MAST2: variants seen among roughly 807,000 people sequenced by gnomAD.
MAST2 encodes the protein microtubule associated serine/threonine kinase 2.
In MAST2, 70 loss-of-function variants were observed where a neutral mutation model predicts 147.4. The ratio of observed to expected loss-of-function variants is 0.47; its 90% CI spans 0.39 to 0.58. MAST2 has a LOEUF of 0.58. Among genes scored for constraint, MAST2 ranks in the 20% least tolerant of loss-of-function variants. The pLI, the probability that MAST2 is intolerant of heterozygous loss-of-function variation, is 0.00. For missense variants in MAST2, 2,080 were observed against 2,302.3 expected (o/e 0.90, Z 1.98); for synonymous variants, 869 against 896.8 (o/e 0.97, Z 0.55).
intron 5 of MAST2, among the ~76,000 whole-genome samples, chr1:45,991,911 T>A (rs1232367367): frequency 1.3e-5 from 2 of 152,204 alleles, no homozygotes; most frequent in East Asian, 3.8e-4. Flanking sequence ...GTATTTTTTT[T>A]AGAAATGGGG....
intron 3 of MAST2, among the ~76,000 whole-genome samples, chr1:45,871,950 A>T (rs1162084394): frequency 2.0e-5 from 3 of 152,140 alleles, no homozygotes; most frequent in Admixed American, 2.0e-4. Context: ...GGCTGGTCTC[A>T]AACTCTGGGC....
At chr1:45,809,028 C>A (rs1644218188) in intron 1 of MAST2, among the ~76,000 whole-genome samples, 1 of 152,110 alleles carries the variant, frequency 6.6e-6, no homozygotes, top group South Asian at 2.1e-4. Flanking sequence ...TCAGACTGTT[C>A]CATTTACTTC....
intron 3 of MAST2, among the ~76,000 whole-genome samples, chr1:45,858,731 G>A (rs1645877002): frequency 1.3e-5 from 2 of 150,166 alleles, no homozygotes; most frequent in Non-Finnish European, 3.0e-5. Flanking sequence ...TTCTTCTAGG[G>A]TTTTTATGGT....
chr1:45,858,619 A>T (rs12732923), intron 3 of MAST2, among the ~76,000 whole-genome samples: 107,292 of 135,582 alleles, frequency 0.79, 43,524 homozygotes, highest in East Asian at 0.98. Context: ...TTAGTTTAAT[A>T]AGATCCCATT....
At chr1:45,821,448 G>A (rs900971782) in intron 1 of MAST2, among the ~76,000 whole-genome samples, 1 of 151,142 alleles carries the variant, frequency 6.6e-6, no homozygotes, top group Non-Finnish European at 1.5e-5. Flanking sequence ...TAGAAGTCAC[G>A]GAGCTTCTTG....
chr1:45,972,123 C>T lies in MAST2; in HGVS notation c.592+12646C>T, dbSNP rs147646818. On this transcript the variant is annotated intron_variant, in intron 5 of 28. Transcript: ENST00000361297. ...TGACTAAGATCGTAATAATGCCAGC[C>T]GTCAGTAGGAGTCCACAGACCTCGG... 5.3e-3 allele frequency among the ~76,000 whole-genome samples: 814 copies of T among 152,248 alleles called. 6 individuals are homozygous for T. Among genetic ancestry groups the T allele is most frequent in the Non-Finnish European group, 8.4e-3 (568 of 68,016 alleles).
chr1:45,904,110 C>A (rs1570639318), intron 4 of MAST2, among the ~76,000 whole-genome samples: 1 of 152,104 alleles, frequency 6.6e-6, no homozygotes, highest in African/African-American at 2.4e-5. Flanking sequence ...AAGTGATCCT[C>A]CCACCTCAGC....
intron 3 of MAST2, among the ~76,000 whole-genome samples, chr1:45,866,768 G>A (rs1413022956): frequency 6.6e-6 from 1 of 150,402 alleles, no homozygotes; most frequent in African/African-American, 2.5e-5. Context: ...TTGAGATGGA[G>A]TCTCACTCTG....
chr1:45,855,915 T>A (rs1645774198), intron 3 of MAST2, among the ~76,000 whole-genome samples: 1 of 152,198 alleles, frequency 6.6e-6, no homozygotes, highest in South Asian at 2.1e-4. Flanking sequence ...GGAGCCTAAT[T>A]TGGGACTAGC....
Position 46,031,693 on chromosome 1 carries a change from G to C in MAST2, c.3187+108G>C. 1 of 1,106,130 alleles carries C rather than the reference G, an allele frequency of 9.0e-7. No individual in the cohort carries two copies. Among genetic ancestry groups the C allele is most frequent in the Non-Finnish European group, 1.3e-6 (1 of 781,584 alleles). 68.5% of individuals were successfully genotyped at this position (1,106,130 alleles called of 1,614,324 possible). On this transcript the variant is annotated intron_variant, in intron 24 of 28. Transcript: ENST00000361297. This position sits in a 1 kb window ranked among gnomAD's most constrained non-coding sequence, Gnocchi z 4.1. ...GGTGTGTGTGTGTGTGTTAAGCACA[G>C]ATCTGACTGTGGTCTCTGAAGGTGT...
At chr1:46,024,058 T>C in intron 15 of MAST2, 78 bp downstream of exon 15, 1 of 1,400,046 alleles carries the variant, frequency 7.1e-7, no homozygotes. Context: ...CCAGCAGCTT[T>C]GTACAGAGGT....
At chr1:45,815,528 G>A (rs1644425745) in intron 1 of MAST2, among the ~76,000 whole-genome samples, 1 of 152,104 alleles carries the variant, frequency 6.6e-6, no homozygotes, top group Non-Finnish European at 1.5e-5. Flanking sequence ...TTTAGAAATA[G>A]TTGTTAATAG....
chr1:45,947,887 T>A (rs1278550481), intron 4 of MAST2, among the ~76,000 whole-genome samples: 1 of 152,180 alleles, frequency 6.6e-6, no homozygotes, highest in African/African-American at 2.4e-5. Flanking sequence ...CGGCTAATTT[T>A]TTGTATTTTT....
At chr1:45,929,065 G>A (rs751318900) in intron 4 of MAST2, among the ~76,000 whole-genome samples, 10 of 152,020 alleles carry the variant, frequency 6.6e-5, no homozygotes, top group Non-Finnish European at 1.2e-4. Flanking sequence ...GTCAGGAGGC[G>A]GGTAATGTCA....
At position 46,032,594 on chromosome 1, in the gene MAST2, A is replaced by G; in HGVS notation, c.3415-2A>G. 1 of 1,613,958 alleles carries G rather than the reference A, an allele frequency of 6.2e-7. No individual in the cohort carries two copies. Among genetic ancestry groups the G allele is most frequent in the East Asian group, 2.2e-5 (1 of 44,884 alleles). On this transcript the variant is annotated splice_acceptor_variant, in intron 25 of 28. Coordinates refer to ENST00000361297, the MANE Select transcript of MAST2 (RefSeq NM_015112.3). LOFTEE classifies it high-confidence loss of function. ...CTGAGTACTGTTCTCTTCCTGGCACAGCACGTGGAGGATGGAGGTCCGGCC... is the reference window on the plus strand; with the variant it reads ...CTGAGTACTGTTCTCTTCCTGGCACGGCACGTGGAGGATGGAGGTCCGGCC...
intron 3 of MAST2, among the ~76,000 whole-genome samples, chr1:45,875,167 C>T (rs1260533311): frequency 6.6e-6 from 1 of 152,132 alleles, no homozygotes; most frequent in South Asian, 2.1e-4. Context: ...TATTTTTGGC[C>T]GGGCACGGTG....
intron 2 of MAST2, among the ~76,000 whole-genome samples, chr1:45,825,049 G>A (rs1644749208): frequency 6.6e-6 from 1 of 151,956 alleles, no homozygotes; most frequent in Admixed American, 6.6e-5. Context: ...TTTTTGAGAT[G>A]GAGTTTCGCT....
At chr1:45,909,956 C>A (rs1199670661) in intron 4 of MAST2, among the ~76,000 whole-genome samples, 5 of 151,900 alleles carry the variant, frequency 3.3e-5, no homozygotes, top group African/African-American at 1.2e-4. Flanking sequence ...AGTTCCTGGG[C>A]TCAAGAGATC....
At chr1:46,017,070 G>A in intron 10 of MAST2, among the ~76,000 whole-genome samples, 1 of 152,124 alleles carries the variant, frequency 6.6e-6, no homozygotes, top group Non-Finnish European at 1.5e-5. Context: ...AATAAGCAAT[G>A]GGGAAAGGAT....
Sources: allele counts gnomAD v4.1 joint callset (sites outside exome capture counted in the v4.1 genomes callset), GRCh38; gene constraint gnomAD v4.1.1; non-coding constraint Gnocchi (gnomAD v3.1); transcripts MANE v1.5; gene names NCBI Gene and HGNC (gene_info 2026-07-23, HGNC 2026-07-21).